Variants in LHFPL3 observed in about 807,000 individuals in gnomAD.
LHFPL3 encodes LHFPL tetraspan subfamily member 3 protein.
In LHFPL3, 5 loss-of-function variants were observed where a neutral mutation model predicts 19.3. The observed-to-expected ratio is 0.26, with a 90% confidence interval of 0.14 to 0.54. The LOEUF is 0.54. Ranked by LOEUF, LHFPL3 falls within the 20% of genes least tolerant of loss-of-function variation. The pLI is 0.94. For synonymous variants in LHFPL3, 133 were observed against 126.2 expected (o/e 1.05, Z -0.36); for missense variants, 249 against 307.4 (o/e 0.81, Z 1.42).
intron 1 of LHFPL3, among the ~76,000 whole-genome samples, chr7:104,426,318 G>C (rs1038001209): frequency 6.6e-6 from 1 of 152,080 alleles, no homozygotes; most frequent in African/African-American, 2.4e-5. Context: ...ATGCCATGGC[G>C]TGATCTTGGC....
intron 1 of LHFPL3, among the ~76,000 whole-genome samples, chr7:104,530,476 C>T (rs1311034024): frequency 1.3e-5 from 2 of 152,138 alleles, no homozygotes; most frequent in African/African-American, 2.4e-5. Flanking sequence ...TTTGCTTGTC[C>T]TCGTAAAATT....
intron 1 of LHFPL3, among the ~76,000 whole-genome samples, chr7:104,368,567 T>TA (rs980070884): frequency 2.2e-4 from 34 of 152,192 alleles, no homozygotes; most frequent in African/African-American, 8.2e-4. Context: ...TTCCTGCCTC[T>TA]ACCTAATCTT....
At chr7:104,482,381 T>G (rs1416178723) in intron 1 of LHFPL3, among the ~76,000 whole-genome samples, 1 of 152,204 alleles carries the variant, frequency 6.6e-6, no homozygotes, top group Admixed American at 6.5e-5. Context: ...GGGGTCAGAC[T>G]TTTCCTTATT....
In LHFPL3 at chr7:104,328,872, G is replaced by A; in HGVS notation, c.93G>A (p.Arg31=). 1 of 1,614,200 alleles carries A rather than the reference G, an allele frequency of 6.2e-7. No homozygotes were observed. The highest frequency in any genetic ancestry group is 8.5e-7 in the Non-Finnish European group (1 of 1,180,048). Residue 31 remains arginine (R), a synonymous_variant, in exon 1 of 3, where the codon CGG becomes CGA. Coordinates refer to ENST00000424859, the MANE Select transcript of LHFPL3 (RefSeq NM_199000.3). This position sits in a 1 kb window ranked among gnomAD's most constrained non-coding sequence, Gnocchi z 4.6. ...AGCTGTACCACACCAACTATGTGCG[G>A]AACTCGCGGGCCATCGGCGTGCTGT... ...AAKLYHTNYV[R]NSRAIGVLWA...
chr7:104,716,140 A>G (rs1321810453), intron 1 of LHFPL3, among the ~76,000 whole-genome samples: 2 of 152,140 alleles, frequency 1.3e-5, no homozygotes, highest in East Asian at 1.9e-4. Flanking sequence ...CAAGGTCAGG[A>G]GTTCGAGACC....
chr7:104,755,371 T>G (rs1794262647), intron 2 of LHFPL3, among the ~76,000 whole-genome samples: 3 of 151,902 alleles, frequency 2.0e-5, no homozygotes, highest in African/African-American at 7.3e-5. Flanking sequence ...CTGGGAAGGG[T>G]GTAGAATTGG....
chr7:104,511,136 C>G (rs1793806115), intron 1 of LHFPL3, among the ~76,000 whole-genome samples: 1 of 152,070 alleles, frequency 6.6e-6, no homozygotes, highest in African/African-American at 2.4e-5. Context: ...AAAATACAGA[C>G]AAACCAATTA....
At chr7:104,621,856 T>A (rs1280632012) in intron 1 of LHFPL3, among the ~76,000 whole-genome samples, 1 of 152,016 alleles carries the variant, frequency 6.6e-6, no homozygotes, top group Non-Finnish European at 1.5e-5. Flanking sequence ...GAAATCTAGG[T>A]CCCCAAAGAA....
At chr7:104,347,771 A>G (rs1790100073) in intron 1 of LHFPL3, among the ~76,000 whole-genome samples, 1 of 152,010 alleles carries the variant, frequency 6.6e-6, no homozygotes, top group Non-Finnish European at 1.5e-5. Flanking sequence ...ACGCCCCTGT[A>G]ATCCCAGTTA....
rs200200215 is a variant in LHFPL3, at chr7:104,429,170, GA to G, written c.445+99954del. On this transcript the variant is annotated intron_variant, in intron 1 of 2. Coordinates refer to ENST00000424859, the MANE Select transcript of LHFPL3 (RefSeq NM_199000.3). The stretch of plus-strand genomic sequence containing the variant: ...AAGCATTTAAAAAAATAAACTAAAG[GA>G]AAAAAAATTAACTTGGGCCCACAAC... 6.9e-3 allele frequency among the ~76,000 whole-genome samples: 1,038 copies of G among 151,200 alleles called. 20 individuals are homozygous for G. The highest frequency in any genetic ancestry group is 0.024 in the African/African-American group (1,007 of 41,216).
At chr7:104,506,584 T>A (rs1793703408) in intron 1 of LHFPL3, among the ~76,000 whole-genome samples, 1 of 152,216 alleles carries the variant, frequency 6.6e-6, no homozygotes, top group Admixed American at 6.5e-5. Context: ...ATACATGTAA[T>A]CTCACTTGAG....
intron 1 of LHFPL3, among the ~76,000 whole-genome samples, chr7:104,418,463 T>C (rs919962023): frequency 1.3e-5 from 2 of 151,986 alleles, no homozygotes; most frequent in Admixed American, 1.3e-4. Context: ...GCCCAGGAGT[T>C]TGAGGCTGCA....
chr7:104,506,920 G>C (rs924350496), intron 1 of LHFPL3, among the ~76,000 whole-genome samples: 3 of 152,186 alleles, frequency 2.0e-5, no homozygotes, highest in African/African-American at 7.2e-5. Context: ...GTGATTAAAG[G>C]GAAGTAATAT....
At chr7:104,448,964 C>T (rs1792381037) in intron 1 of LHFPL3, among the ~76,000 whole-genome samples, 1 of 152,168 alleles carries the variant, frequency 6.6e-6, no homozygotes, top group South Asian at 2.1e-4. Context: ...TGCTTCAATA[C>T]TAATAGAGTT....
chr7:104,639,253 G>T (rs1791785877), intron 1 of LHFPL3, among the ~76,000 whole-genome samples: 1 of 152,046 alleles, frequency 6.6e-6, no homozygotes, highest in African/African-American at 2.4e-5. Context: ...CAATTTCAGA[G>T]TTCATTATTG....
At chr7:104,561,683 T>C (rs1281304881) in intron 1 of LHFPL3, among the ~76,000 whole-genome samples, 1 of 152,102 alleles carries the variant, frequency 6.6e-6, no homozygotes, top group Admixed American at 6.5e-5. Flanking sequence ...TCCATTTACA[T>C]TTAAAGTTAA....
At chr7:104,823,713 C>T (rs1363813751) in intron 2 of LHFPL3, among the ~76,000 whole-genome samples, 8 of 152,124 alleles carry the variant, frequency 5.3e-5, no homozygotes, top group East Asian at 1.9e-4. Context: ...ATGAGCTTGA[C>T]GGAGCCTTTC....
intron 2 of LHFPL3, among the ~76,000 whole-genome samples, chr7:104,750,864 G>C (rs1794152837): frequency 6.6e-6 from 1 of 151,932 alleles, no homozygotes; most frequent in Non-Finnish European, 1.5e-5. Context: ...TCCCGACAAT[G>C]GTTGCCCATT....
At chr7:104,519,421 T>C (rs1015278480) in intron 1 of LHFPL3, among the ~76,000 whole-genome samples, 2 of 152,164 alleles carry the variant, frequency 1.3e-5, no homozygotes, top group Non-Finnish European at 2.9e-5. Flanking sequence ...AATTAAACTT[T>C]ATGTGTTGCT....
Sources: allele counts gnomAD v4.1 joint callset (sites outside exome capture counted in the v4.1 genomes callset), GRCh38; gene constraint gnomAD v4.1.1; non-coding constraint Gnocchi (gnomAD v3.1); transcripts MANE v1.5; gene names NCBI Gene and HGNC (gene_info 2026-07-23, HGNC 2026-07-21).